ST6GALNAC3: variants seen among roughly 807,000 people sequenced by gnomAD.
The protein encoded by ST6GALNAC3 is alpha-N-acetylgalactosaminide alpha-2,6-sialyltransferase 3.
ST6GALNAC3 carries 25 observed loss-of-function variants against 32.7 expected under a neutral mutation model. That is an observed-to-expected ratio of 0.76 (90% CI 0.56 to 1.07). The LOEUF (loss-of-function observed/expected upper bound fraction) is 1.07, where lower values mean the gene tolerates loss of function less well. ST6GALNAC3 is among the 50% of genes least tolerant of loss of function. The pLI, the probability that ST6GALNAC3 is intolerant of heterozygous loss-of-function variation, is 0.00. For synonymous variants in ST6GALNAC3, 129 were observed against 133.1 expected (o/e 0.97, Z 0.21); for missense variants, 355 against 382.4 (o/e 0.93, Z 0.60).
chr1:76,631,451 A>C lies in ST6GALNAC3; in HGVS notation c.*2645A>C, dbSNP rs992988546. The stretch of plus-strand genomic sequence containing the variant: ...GTTCCATCTTTCTAATTCTAGTGAA[A>C]ATGCAAAGTCTAATTTCTCCCATGT... On this transcript the variant is annotated 3_prime_UTR_variant, in exon 5 of 5. Transcript: ENST00000328299. The C allele has an allele frequency of 1.3e-5, 2 of 151,996 alleles. No individual in the cohort carries two copies. The highest frequency in any genetic ancestry group is 4.8e-5 in the African/African-American group (2 of 41,404). The allele number at this position is 151,996 out of a possible 1,614,324, so 9.4% of individuals were successfully genotyped here.
intron 2 of ST6GALNAC3, among the ~76,000 whole-genome samples, chr1:76,374,580 C>T (rs1277360261): frequency 6.6e-6 from 1 of 152,098 alleles, no homozygotes; most frequent in Non-Finnish European, 1.5e-5. Context: ...TTAAGAAGAA[C>T]CTATTTGCAA....
At chr1:76,315,187 G>C (rs1184811000) in intron 2 of ST6GALNAC3, among the ~76,000 whole-genome samples, 1 of 151,978 alleles carries the variant, frequency 6.6e-6, no homozygotes, top group Non-Finnish European at 1.5e-5. Context: ...GCTTGAATTT[G>C]TTGAGTGTCC....
Position 76,478,929 on chromosome 1 carries a change from AT to A in ST6GALNAC3, c.623+66519del, listed in dbSNP as rs558927766. Among the ~76,000 whole-genome samples, 25 of 151,186 alleles carry A rather than the reference AT, an allele frequency of 1.7e-4. No homozygotes were observed. The South Asian group carries it at 2.3e-3, about 14-fold the overall frequency. ...AGGTGCCCGCCACCACGCCCGGCTA[AT>A]TTTTTTGTATTTTTAGTAGAGACGG... On this transcript the variant is annotated intron_variant, in intron 3 of 4. Transcript: ENST00000328299.
intron 3 of ST6GALNAC3, among the ~76,000 whole-genome samples, chr1:76,461,164 G>A (rs190417982): frequency 6.4e-4 from 97 of 152,248 alleles, no homozygotes; most frequent in African/African-American, 9.1e-4. Flanking sequence ...TTCTCCTCAC[G>A]GTGAAATTGT....
chr1:76,085,450 C>G (rs1434065994), intron 1 of ST6GALNAC3, among the ~76,000 whole-genome samples: 1 of 152,146 alleles, frequency 6.6e-6, no homozygotes, highest in Non-Finnish European at 1.5e-5. Flanking sequence ...ATTTACTGAG[C>G]ATAGAGCTAA....
chr1:76,188,287 G>A (rs1031124790), intron 1 of ST6GALNAC3, among the ~76,000 whole-genome samples: 13 of 152,192 alleles, frequency 8.5e-5, no homozygotes, highest in African/African-American at 2.4e-4. Context: ...GCTTGAACCC[G>A]GAAGGCGGAG....
At chr1:76,596,777 A>G (rs1005758866) in intron 3 of ST6GALNAC3, among the ~76,000 whole-genome samples, 40 of 152,148 alleles carry the variant, frequency 2.6e-4, no homozygotes, top group African/African-American at 9.4e-4. Flanking sequence ...GTTGCTATCA[A>G]TGGATCATAC....
chr1:76,572,881 T>C (rs1255389142), intron 3 of ST6GALNAC3, among the ~76,000 whole-genome samples: 1 of 152,116 alleles, frequency 6.6e-6, no homozygotes, highest in African/African-American at 2.4e-5. Flanking sequence ...AGATACCATT[T>C]TGAAGAATTT....
intron 2 of ST6GALNAC3, among the ~76,000 whole-genome samples, chr1:76,380,228 C>T (rs1651596507): frequency 6.6e-6 from 1 of 152,068 alleles, no homozygotes; most frequent in Non-Finnish European, 1.5e-5. Flanking sequence ...TACTTAACCT[C>T]ATCACTCATC....
chr1:76,320,091 G>A (rs1476585783), intron 2 of ST6GALNAC3, among the ~76,000 whole-genome samples: 1 of 152,178 alleles, frequency 6.6e-6, no homozygotes, highest in Non-Finnish European at 1.5e-5. Flanking sequence ...TGCCACTGTG[G>A]GTTAGAATAT....
At chr1:76,187,199 T>C (rs754552686) in intron 1 of ST6GALNAC3, among the ~76,000 whole-genome samples, 3 of 152,222 alleles carry the variant, frequency 2.0e-5, no homozygotes, top group Non-Finnish European at 4.4e-5. Flanking sequence ...AATTACTGCC[T>C]TCATTATGAC....
intron 1 of ST6GALNAC3, among the ~76,000 whole-genome samples, chr1:76,284,053 C>T (rs1553173500): frequency 6.6e-6 from 1 of 151,164 alleles, no homozygotes; most frequent in Non-Finnish European, 1.5e-5. Flanking sequence ...TGCCGGAGAA[C>T]TGAGTTAGAA....
chr1:76,323,313 G>A (rs148577687), intron 2 of ST6GALNAC3, among the ~76,000 whole-genome samples: 225 of 152,260 alleles, frequency 1.5e-3, no homozygotes, highest in African/African-American at 5.3e-3. Context: ...ATACCTCAGT[G>A]GTTAGGTTAA....
chr1:76,169,535 G>A (rs1652340579), intron 1 of ST6GALNAC3, among the ~76,000 whole-genome samples: 2 of 152,090 alleles, frequency 1.3e-5, no homozygotes, highest in Admixed American at 1.3e-4. Flanking sequence ...CATGCATGAT[G>A]TCCTGAAATA....
chr1:76,208,392 T>G (rs1217447201), intron 1 of ST6GALNAC3, among the ~76,000 whole-genome samples: 1 of 152,264 alleles, frequency 6.6e-6, no homozygotes, highest in East Asian at 1.9e-4. Context: ...TGTTTATAGC[T>G]AAACATTTGG....
At chr1:76,084,553 G>C (rs1018004625) in intron 1 of ST6GALNAC3, among the ~76,000 whole-genome samples, 2 of 152,178 alleles carry the variant, frequency 1.3e-5, no homozygotes, top group African/African-American at 4.8e-5. Flanking sequence ...CAATTTAAAT[G>C]TCCAGAACAA....
At chr1:76,272,240 C>G (rs1449112477) in intron 1 of ST6GALNAC3, among the ~76,000 whole-genome samples, 2 of 148,768 alleles carry the variant, frequency 1.3e-5, no homozygotes, top group Non-Finnish European at 3.0e-5. Context: ...GCAGGAGAAT[C>G]GCTTGAACCC....
intron 3 of ST6GALNAC3, among the ~76,000 whole-genome samples, chr1:76,416,735 C>G (rs1001171039): frequency 3.4e-5 from 5 of 145,686 alleles, no homozygotes; most frequent in African/African-American, 1.3e-4. Context: ...TCAAGTGATT[C>G]CTCTGCCTCA....
chr1:76,573,291 C>T (rs78259018), intron 3 of ST6GALNAC3, among the ~76,000 whole-genome samples: 2 of 152,030 alleles, frequency 1.3e-5, no homozygotes, highest in Non-Finnish European at 2.9e-5. Flanking sequence ...ATGTCATAAG[C>T]GATATAAACC....
Sources: gnomAD v4.1 joint callset for allele counts (sites outside exome capture counted in the v4.1 genomes callset) on GRCh38, gnomAD v4.1.1 for gene constraint, MANE v1.5 for transcripts, NCBI Gene and HGNC (gene_info 2026-07-23, HGNC 2026-07-21) for gene names.